Variants in ZMYND11 observed in about 807,000 individuals in gnomAD.
ZMYND11 encodes zinc finger MYND domain-containing protein 11.
In ZMYND11, 9 loss-of-function variants were observed where a neutral mutation model predicts 84.9. The ratio of observed to expected loss-of-function variants is 0.11; its 90% CI spans 0.06 to 0.18. ZMYND11 has a LOEUF of 0.18. ZMYND11 is among the 10% of genes least tolerant of loss of function. The pLI is 1.00. For missense variants in ZMYND11, 409 were observed against 761.0 expected, an observed-to-expected ratio of 0.54 and a Z score of 5.44; for synonymous variants, 250 against 244.1, an observed-to-expected ratio of 1.02 and a Z score of -0.23.
chr10:227,685 T>C (rs1450906982), intron 4 of ZMYND11, among the ~76,000 whole-genome samples: 3 of 152,224 alleles, frequency 2.0e-5, no homozygotes, highest in Non-Finnish European at 4.4e-5. Context: ...ATATAATGTT[T>C]AGAATGAAAA....
intron 1 of ZMYND11, among the ~76,000 whole-genome samples, chr10:174,963 A>G: frequency 6.6e-6 from 1 of 150,960 alleles, no homozygotes; most frequent in East Asian, 2.0e-4. Context: ...CATGGGCACT[A>G]CAGTGGCACA....
intron 1 of ZMYND11, among the ~76,000 whole-genome samples, chr10:177,071 T>G (rs1173946534): frequency 6.6e-6 from 1 of 152,230 alleles, no homozygotes; most frequent in Non-Finnish European, 1.5e-5. Context: ...AGTCATGTAC[T>G]GGATGAGAGA....
At chr10:153,180 T>G (rs1564276903) in intron 1 of ZMYND11, among the ~76,000 whole-genome samples, 2 of 152,230 alleles carry the variant, frequency 1.3e-5, no homozygotes, top group African/African-American at 2.4e-5. Context: ...TTGCTATTTT[T>G]ATCAGATATG....
At chr10:242,454 T>G (rs1021553075) in intron 10 of ZMYND11, among the ~76,000 whole-genome samples, 3 of 152,192 alleles carry the variant, frequency 2.0e-5, no homozygotes, top group African/African-American at 7.2e-5. Context: ...GAATTACCAT[T>G]ACCATATTCA....
chr10:243,487 ACT>A (rs1491551050), intron 10 of ZMYND11, among the ~76,000 whole-genome samples: 2 of 152,206 alleles, frequency 1.3e-5, no homozygotes, highest in Non-Finnish European at 2.9e-5. Flanking sequence ...GTAGCTTTAT[ACT>A]GTCTTCAACC....
chr10:140,081 A>G (rs1837147628), intron 1 of ZMYND11, among the ~76,000 whole-genome samples: 2 of 152,272 alleles, frequency 1.3e-5, no homozygotes, highest in South Asian at 2.1e-4. Flanking sequence ...GCACACTCTT[A>G]TAATTGCATC....
In ZMYND11 at chr10:178,305, A is replaced by G. The variant is rs1244078737; in HGVS notation, c.-19-1689A>G. On this transcript the variant is annotated intron_variant, in intron 1 of 14. Transcript: ENST00000381604. ...CATTGTGTCTAGCACAGTGCCTTAG[A>G]TAAAGTGGACACCTGTATATATTTT... Among the ~76,000 whole-genome samples, 8 of 152,250 alleles carry G rather than the reference A, an allele frequency of 5.3e-5. 1 individual carries two copies. The highest frequency in any genetic ancestry group is 3.9e-4 in the Admixed American group (6 of 15,286).
At chr10:247,573 C>T in intron 12 of ZMYND11, 107 bp downstream of exon 12, 1 of 1,223,174 alleles carries the variant, frequency 8.2e-7, no homozygotes, top group East Asian at 2.5e-5. Flanking sequence ...TTGGTGGATA[C>T]TTGTGAAATT....
chr10:205,034 G>A (rs1440944813), intron 2 of ZMYND11, among the ~76,000 whole-genome samples: 3 of 152,002 alleles, frequency 2.0e-5, no homozygotes, highest in African/African-American at 7.2e-5. Context: ...TTGTGCACTG[G>A]AAGAGTTTGA....
At chr10:186,216 T>C (rs1275273447) in intron 2 of ZMYND11, among the ~76,000 whole-genome samples, 1 of 151,772 alleles carries the variant, frequency 6.6e-6, no homozygotes, top group Non-Finnish European at 1.5e-5. Flanking sequence ...TTTCACTGTG[T>C]TAGCCGGGAT....
At chr10:246,100 A>G (rs1355568375) in intron 10 of ZMYND11, among the ~76,000 whole-genome samples, 2 of 152,178 alleles carry the variant, frequency 1.3e-5, no homozygotes, top group Non-Finnish European at 2.9e-5. Context: ...TGTTCTTTCC[A>G]ACAGAAGCAA....
chr10:236,955 C>T, intron 5 of ZMYND11, 40 bp downstream of exon 5: 1 of 1,553,844 alleles, frequency 6.4e-7, no homozygotes, highest in Non-Finnish European at 8.8e-7. Context: ...TATCCCAAAA[C>T]ACATTTTACT....
chr10:134,414 A>G (rs1554751022), upstream of ZMYND11: 2 of 152,196 alleles, frequency 1.3e-5, no homozygotes, highest in African/African-American at 4.8e-5. Context: ...CCAGAGTCTT[A>G]AGGGATCGTC....
In ZMYND11 at chr10:223,218, C is replaced by T. The variant is rs540276025; in HGVS notation, c.438+1862C>T. 1.8e-3 allele frequency among the ~76,000 whole-genome samples: 274 copies of T among 151,948 alleles called. 1 individual carries two copies. Among genetic ancestry groups the T allele is most frequent in the African/African-American group, 6.2e-3 (258 of 41,478 alleles). On this transcript the variant is annotated intron_variant, in intron 4 of 14. Transcript: ENST00000381604. ...CTAATTTTTGTATTTTTAGTAGAGACGGGGTTTTGTCATGTTGGTGTGGCC... is the reference window on the plus strand; with the variant it reads ...CTAATTTTTGTATTTTTAGTAGAGATGGGGTTTTGTCATGTTGGTGTGGCC...
At chr10:225,512 C>T (rs1054472477) in intron 4 of ZMYND11, among the ~76,000 whole-genome samples, 1 of 152,198 alleles carries the variant, frequency 6.6e-6, no homozygotes, top group African/African-American at 2.4e-5. Context: ...ATGTGTGGCT[C>T]ATTTTTAAAT....
intron 1 of ZMYND11, among the ~76,000 whole-genome samples, chr10:177,176 T>C (rs1411060718): frequency 2.6e-5 from 4 of 152,148 alleles, no homozygotes; most frequent in Admixed American, 2.0e-4. Context: ...GTTAAATGAG[T>C]GAATGAATTT....
intron 10 of ZMYND11, chr10:244,660 T>C (rs1951751683): frequency 6.6e-6 from 1 of 152,266 alleles, no homozygotes; most frequent in African/African-American, 2.4e-5. Context: ...ACAGAACCAT[T>C]TTATTCTGCA....
chr10:221,099 T>A, intron 3 of ZMYND11, 96 bp from the exon 4 acceptor site: 1 of 1,078,128 alleles, frequency 9.3e-7, no homozygotes, highest in Middle Eastern at 2.5e-4. Flanking sequence ...TTGTTTATGA[T>A]GCCTAACTTC....
At chr10:248,806 A>C (rs1952743832) in intron 13 of ZMYND11, 97 bp from the exon 14 acceptor site, 1 of 1,464,340 alleles carries the variant, frequency 6.8e-7, no homozygotes, top group African/African-American at 1.4e-5. Context: ...AGGGGAAAAA[A>C]GGTACCTCAT....
Sources: allele counts gnomAD v4.1 joint callset (sites outside exome capture counted in the v4.1 genomes callset), GRCh38; gene constraint gnomAD v4.1.1; transcripts MANE v1.5; gene names NCBI Gene and HGNC (gene_info 2026-07-23, HGNC 2026-07-21).